Variants in ATP1B4 observed in about 807,000 individuals in gnomAD.
ATP1B4 encodes protein ATP1B4.
ATP1B4 carries 32 observed loss-of-function variants against 29.6 expected under a neutral mutation model. The ratio of observed to expected loss-of-function variants is 1.08; its 90% CI spans 0.82 to 1.45. The LOEUF (loss-of-function observed/expected upper bound fraction) is 1.45. ATP1B4 is among the 40% of genes most tolerant of loss of function. The pLI, the probability that ATP1B4 is intolerant of heterozygous loss-of-function variation, is 0.00. For missense variants in ATP1B4, 323 were observed against 276.2 expected, an observed-to-expected ratio of 1.17 and a Z score of -1.20; for synonymous variants, 127 against 102.1, an observed-to-expected ratio of 1.24 and a Z score of -1.47.
chrX:120,375,560 A>G lies in ATP1B4; in HGVS notation c.751A>G (p.Met251Val). 1 of 1,205,837 alleles carries G rather than the reference A, an allele frequency of 8.3e-7. No homozygotes were observed. Among genetic ancestry groups the G allele is most frequent in the Non-Finnish European group, 1.1e-6 (1 of 892,596 alleles). ...TGGACAGCCCTGCATCCTTCTAAAG[A>G]TGAACCGGGTATATTGGCTTTTCAT... ...STGQPCILLK[M>V]NRIVGFRPEL... Residue 251 changes from methionine to valine, a missense_variant, in exon 5 of 8, where the codon ATG becomes GTG. Transcript: ENST00000218008.
intron 4 of ATP1B4, among the ~76,000 whole-genome samples, chrX:120,375,087 C>G (rs1417865706): frequency 1.8e-5 from 2 of 108,477 alleles, no homozygotes; most frequent in Non-Finnish European, 3.8e-5. Context: ...AAGTGACTGA[C>G]ATAGGACCCA....
rs370620289 is a variant in ATP1B4 at position 120,366,548 on chromosome X, G to T, written c.87G>T (p.Gln29His). ...YRLDDPDEAN[Q>H]NYLADEEEEA... ...AGGATGATCCGGATGAAGCGAACCAGAACTACTTAGCAGATGAAGAGGAGG... is the reference window on the plus strand; with the variant it reads ...AGGATGATCCGGATGAAGCGAACCATAACTACTTAGCAGATGAAGAGGAGG... The change falls in exon 2 of 8, where the codon CAG becomes CAT. Residue 29 changes from glutamine to histidine, a missense_variant. Transcript: ENST00000218008. 2.9e-5 allele frequency: 35 copies of T among 1,207,095 alleles called. No individual in the cohort carries two copies. The African/African-American group carries it at 5.8e-4, about 20-fold the overall frequency.
chrX:120,375,465 C>G lies in ATP1B4; in HGVS notation c.656C>G (p.Ala219Gly). Reference sequence around the variant, plus strand: ...GGCAATGAGGATGAGGACAAGAAGGCCTGCCAATTTAAGCGCTCCTTCCTA... The same window carrying G: ...GGCAATGAGGATGAGGACAAGAAGGGCTGCCAATTTAAGCGCTCCTTCCTA... ...QDGNEDEDKK[A>G]CQFKRSFLKN... Residue 219 changes from alanine (A) to glycine (G), a missense_variant, in exon 5 of 8, where the codon GCC becomes GGC. Physicochemically the swap from Ala to Gly is moderately conservative, Grantham distance 60. Coordinates refer to ENST00000218008, the MANE Select transcript of ATP1B4 (RefSeq NM_001142447.3). The G allele has an allele frequency of 8.3e-7, 1 of 1,210,943 alleles. No homozygotes were observed. The highest frequency in any genetic ancestry group is 1.1e-6 in the Non-Finnish European group (1 of 894,883).
rs774726381 is a variant in ATP1B4 at position 120,375,513 on chromosome X, A to G, written c.704A>G (p.Asp235Gly). Residue 235 changes from aspartate (D) to glycine (G), a missense_variant, in exon 5 of 8, where the codon GAC becomes GGC. By Grantham distance (94) the Asp-to-Gly change is moderately conservative (BLOSUM62 -1). Transcript: ENST00000218008. ...CTAAAGAACTGCTCTGGTCTGGAGGACCCAACTTTTGGATACTCTACTGGA... is the reference window on the plus strand; with the variant it reads ...CTAAAGAACTGCTCTGGTCTGGAGGGCCCAACTTTTGGATACTCTACTGGA... ...SFLKNCSGLE[D>G]PTFGYSTGQP... 8.3e-6 allele frequency: 10 copies of G among 1,208,643 alleles called. No homozygotes were observed. The East Asian group carries it at 2.7e-4, about 32-fold the overall frequency.
chrX:120,371,250 A>T, intron 4 of ATP1B4, 40 bp downstream of exon 4: 1 of 1,085,209 alleles, frequency 9.2e-7, no homozygotes, highest in Non-Finnish European at 1.3e-6. Context: ...CTCTTTTGAA[A>T]GGTGATGGGT....
At chrX:120,376,101 C>G (rs1478245972) in intron 5 of ATP1B4, among the ~76,000 whole-genome samples, 2 of 111,496 alleles carry the variant, frequency 1.8e-5, no homozygotes, top group Non-Finnish European at 3.8e-5. Flanking sequence ...AGTCACACCT[C>G]TCTTGAAATT....
intron 1 of ATP1B4, among the ~76,000 whole-genome samples, chrX:120,365,614 C>A (rs1424567622): frequency 8.9e-6 from 1 of 112,462 alleles, no homozygotes; most frequent in Admixed American, 9.4e-5. Flanking sequence ...TAAGCCTTGG[C>A]AAACCCCCAA....
intron 4 of ATP1B4, among the ~76,000 whole-genome samples, chrX:120,374,803 T>TAATATATAG (rs2058341781): frequency 3.2e-5 from 1 of 30,952 alleles, no homozygotes; most frequent in African/African-American, 1.1e-4. Flanking sequence ...CCCTTATATA[T>TAATATATAG]ATTATATTAT....
chrX:120,374,313 G>A (rs1046320330), intron 4 of ATP1B4, among the ~76,000 whole-genome samples: 3 of 106,860 alleles, frequency 2.8e-5, no homozygotes, highest in African/African-American at 6.8e-5. Flanking sequence ...CAGGTCGGGA[G>A]GTGGGGTGCT....
At chrX:120,364,020 G>A (rs1039307467) in intron 1 of ATP1B4, among the ~76,000 whole-genome samples, 7 of 110,970 alleles carry the variant, frequency 6.3e-5, no homozygotes, top group Admixed American at 2.9e-4. Flanking sequence ...TAAAGCTCAG[G>A]AACCTCTCAC....
chrX:120,370,501 C>A (rs892597339), intron 2 of ATP1B4, among the ~76,000 whole-genome samples: 2 of 112,020 alleles, frequency 1.8e-5, no homozygotes, highest in Admixed American at 1.9e-4. Context: ...GCCCTTCCAT[C>A]GGAGATGCTG....
chrX:120,370,852 G>A lies in ATP1B4; in HGVS notation c.457+9G>A. On this transcript the variant is annotated intron_variant, in intron 3 of 7. Coordinates refer to ENST00000218008, the MANE Select transcript of ATP1B4 (RefSeq NM_001142447.3). ...GCGGGTAAAGCCTCCTGGTGAGTGT[G>A]CCCAGATGCCCTGTGTTGTCAGAAC... 8.3e-7 allele frequency: 1 copy of A among 1,206,125 alleles called. No homozygotes were observed. Among genetic ancestry groups the A allele is most frequent in the South Asian group, 1.8e-5 (1 of 55,443 alleles).
chrX:120,367,314 G>A (rs746654010), intron 2 of ATP1B4, among the ~76,000 whole-genome samples: 13 of 112,201 alleles, frequency 1.2e-4, no homozygotes, highest in South Asian at 3.7e-4. Flanking sequence ...TTTTTATGAG[G>A]CCCCATCACC....
intron 2 of ATP1B4, among the ~76,000 whole-genome samples, chrX:120,368,023 A>G (rs1450077435): frequency 8.9e-6 from 1 of 112,135 alleles, no homozygotes; most frequent in Non-Finnish European, 1.9e-5. Context: ...GAGGACTGGA[A>G]AAACAAGCCT....
At chrX:120,378,173 C>T in intron 6 of ATP1B4, among the ~76,000 whole-genome samples, 1 of 111,799 alleles carries the variant, frequency 8.9e-6, no homozygotes, top group African/African-American at 3.3e-5. Context: ...TATCAGGTAC[C>T]TATGCACTTG....
At chrX:120,371,345 T>A (rs929565243) in intron 4 of ATP1B4, 135 bp downstream of exon 4, 19 of 491,701 alleles carry the variant, frequency 3.9e-5, no homozygotes, top group Non-Finnish European at 6.0e-5. Context: ...TTACTTTGCA[T>A]CCCCCTTAGC....
At position 120,382,429 on chromosome X, in the gene ATP1B4, G is replaced by A. The variant is rs2147259870; in HGVS notation, c.*2795G>A. The A allele has an allele frequency of 8.9e-6, 1 of 111,917 alleles. No homozygotes were observed. Among genetic ancestry groups the A allele is most frequent in the South Asian group, 3.7e-4 (1 of 2,680 alleles). 9.2% of individuals were successfully genotyped at this position (111,917 alleles called of 1,213,427 possible). ...AAAGACAATAACTTTTAAACCACTT[G>A]AAAATTACCTCAATCAAACTCTCAA... On this transcript the variant is annotated 3_prime_UTR_variant, in exon 8 of 8. Coordinates refer to ENST00000218008, the MANE Select transcript of ATP1B4 (RefSeq NM_001142447.3).
chrX:120,365,722 A>G (rs1362714340), intron 1 of ATP1B4, among the ~76,000 whole-genome samples: 1 of 112,478 alleles, frequency 8.9e-6, no homozygotes, highest in African/African-American at 3.2e-5. Context: ...TTTTCAGTTT[A>G]ATTTTCTTAG....
At chrX:120,376,355 T>C in intron 5 of ATP1B4, 25 bp from the exon 6 acceptor site, 1 of 1,196,652 alleles carries the variant, frequency 8.4e-7, no homozygotes, top group Non-Finnish European at 1.1e-6. Context: ...TAAAAAAAAA[T>C]AAAACACTGG....
Sources: gnomAD v4.1 joint callset for allele counts (sites outside exome capture counted in the v4.1 genomes callset) on GRCh38, gnomAD v4.1.1 for gene constraint, MANE v1.5 for transcripts, NCBI Gene and HGNC (gene_info 2026-07-23, HGNC 2026-07-21) for gene names.